Variants in RPTOR observed in about 807,000 individuals in gnomAD.
The protein encoded by RPTOR is regulatory-associated protein of mTOR.
A neutral mutation model predicts 169.9 loss-of-function variants in RPTOR; 21 were observed. The observed-to-expected ratio is 0.12, with a 90% CI of 0.09 to 0.18. The LOEUF (loss-of-function observed/expected upper bound fraction) is 0.18, where lower values mean the gene tolerates loss of function less well. Among genes scored for constraint, RPTOR ranks in the 10% least tolerant of loss-of-function variants. The pLI, the probability that RPTOR is intolerant of heterozygous loss-of-function variation, is 1.00. For missense variants in RPTOR, 1,133 were observed against 1,855.9 expected, an observed-to-expected ratio of 0.61 and a Z score of 7.16; for synonymous variants, 732 against 753.2, an observed-to-expected ratio of 0.97 and a Z score of 0.46.
chr17:80,787,862 T>C (rs1415381178), intron 6 of RPTOR, among the ~76,000 whole-genome samples: 1 of 152,250 alleles, frequency 6.6e-6, no homozygotes, highest in Non-Finnish European at 1.5e-5. Flanking sequence ...AATGCTCTTG[T>C]GGATTTATAT....
chr17:80,595,302 G>T (rs141356410), intron 1 of RPTOR, among the ~76,000 whole-genome samples: 11 of 152,254 alleles, frequency 7.2e-5, no homozygotes, highest in African/African-American at 2.4e-4. Flanking sequence ...TAAACATCTA[G>T]TTCTATTAGA....
At chr17:80,835,845 A>G (rs1256267331) in intron 9 of RPTOR, among the ~76,000 whole-genome samples, 1 of 152,188 alleles carries the variant, frequency 6.6e-6, no homozygotes. Context: ...GAGAAGAGAT[A>G]CTCAACCTGT....
intron 1 of RPTOR, among the ~76,000 whole-genome samples, chr17:80,618,075 G>T (rs1046681465): frequency 5.3e-5 from 8 of 151,814 alleles, no homozygotes; most frequent in African/African-American, 1.9e-4. Flanking sequence ...CCGCCTCCCG[G>T]GTTCAAGCAG....
chr17:80,693,649 T>C (rs1028222274), intron 3 of RPTOR, among the ~76,000 whole-genome samples: 1 of 152,178 alleles, frequency 6.6e-6, no homozygotes, highest in African/African-American at 2.4e-5. Context: ...GTGTACGCAA[T>C]TTCCTACTCT....
intron 11 of RPTOR, among the ~76,000 whole-genome samples, chr17:80,854,521 C>T (rs182407907): frequency 5.9e-5 from 9 of 152,308 alleles, no homozygotes; most frequent in African/African-American, 9.6e-5. Context: ...TTTTAATACT[C>T]ACATTTATCT....
At chr17:80,641,647 T>C (rs751451589) in intron 2 of RPTOR, among the ~76,000 whole-genome samples, 29 of 152,204 alleles carry the variant, frequency 1.9e-4, no homozygotes, top group Non-Finnish European at 4.3e-4. Context: ...TGTACTGTAG[T>C]CTGTGAAGTG....
chr17:80,903,504 T>C (rs1181791645), intron 20 of RPTOR, among the ~76,000 whole-genome samples: 5 of 152,226 alleles, frequency 3.3e-5, no homozygotes, highest in Non-Finnish European at 5.9e-5. Flanking sequence ...TGCGGCATCA[T>C]TGGTGTTCAC....
intron 14 of RPTOR, among the ~76,000 whole-genome samples, chr17:80,882,156 GAAAGCCGGGCTA>G (rs2068192665): frequency 1.3e-5 from 2 of 152,206 alleles, no homozygotes. Flanking sequence ...GAGAAGATAT[GAAAGCCGGGCTA>G]AGAGCCGGGC....
intron 1 of RPTOR, among the ~76,000 whole-genome samples, chr17:80,599,033 C>T (rs886799019): frequency 2.0e-5 from 3 of 152,104 alleles, no homozygotes; most frequent in Non-Finnish European, 2.9e-5. Flanking sequence ...CCCAGCCCCC[C>T]GGGAAGCTGG....
At chr17:80,722,176 G>T (rs2066292185) in intron 4 of RPTOR, among the ~76,000 whole-genome samples, 1 of 150,876 alleles carries the variant, frequency 6.6e-6, no homozygotes, top group Admixed American at 6.6e-5. Flanking sequence ...ATGTTGCAAA[G>T]TGCCGTCATC....
chr17:80,595,477 A>T (rs2065138197), intron 1 of RPTOR, among the ~76,000 whole-genome samples: 1 of 152,068 alleles, frequency 6.6e-6, no homozygotes, highest in African/African-American at 2.4e-5. Flanking sequence ...CCCCCCTTAG[A>T]TGGGGTCTCG....
intron 11 of RPTOR, among the ~76,000 whole-genome samples, chr17:80,848,068 T>G (rs1449984094): frequency 2.0e-5 from 3 of 151,854 alleles, no homozygotes; most frequent in Non-Finnish European, 4.4e-5. Context: ...GAAAGAGGAG[T>G]TGGGAGAAGG....
intron 10 of RPTOR, 122 bp downstream of exon 10, chr17:80,838,119 C>A (rs967686205): frequency 9.2e-5 from 67 of 728,180 alleles, no homozygotes; most frequent in Non-Finnish European, 1.3e-4. Flanking sequence ...ATTTTGTTCA[C>A]CTGCCTGGAA....
intron 5 of RPTOR, among the ~76,000 whole-genome samples, chr17:80,743,917 T>C (rs376630779): frequency 0.028 from 538 of 19,138 alleles, 89 homozygotes; most frequent in African/African-American, 0.039. Flanking sequence ...ACAGCCCTGG[T>C]TACTAGCAGA....
rs1312869264 is a variant in RPTOR at position 80,695,313 on chromosome 17, G to A, written c.349-12528G>A. Among the ~76,000 whole-genome samples, 1 of 152,248 alleles carries A rather than the reference G, an allele frequency of 6.6e-6. No individual in the cohort carries two copies. The highest frequency in any genetic ancestry group is 2.4e-5 in the African/African-American group (1 of 41,472). ...AGCCACCCGGGCAGGGCCCGCGTTA[G>A]TTTAGTTGTTTGTGGAGGAGAAAAT... On this transcript the variant is annotated intron_variant, in intron 3 of 33. Coordinates refer to ENST00000306801, the MANE Select transcript of RPTOR (RefSeq NM_020761.3). The surrounding 1 kb of genome is among the most constrained non-coding windows in gnomAD (Gnocchi z 4.9).
At chr17:80,582,120 T>G (rs2065019873) in intron 1 of RPTOR, among the ~76,000 whole-genome samples, 1 of 152,172 alleles carries the variant, frequency 6.6e-6, no homozygotes, top group South Asian at 2.1e-4. Context: ...TCATTGAACA[T>G]TCCAGGAGGA....
At chr17:80,614,805 G>T (rs377221002) in intron 1 of RPTOR, among the ~76,000 whole-genome samples, 2 of 152,194 alleles carry the variant, frequency 1.3e-5, no homozygotes, top group Non-Finnish European at 1.5e-5. Flanking sequence ...GGACTTTATT[G>T]TAGTGCTCGC....
At chr17:80,767,016 A>G (rs1263811071) in intron 6 of RPTOR, among the ~76,000 whole-genome samples, 1 of 152,216 alleles carries the variant, frequency 6.6e-6, no homozygotes, top group African/African-American at 2.4e-5. Flanking sequence ...AAATAGAAGG[A>G]AGATACAAAT....
At chr17:80,907,423 C>T (rs960436447) in intron 20 of RPTOR, among the ~76,000 whole-genome samples, 4 of 152,270 alleles carry the variant, frequency 2.6e-5, no homozygotes, top group Non-Finnish European at 4.4e-5. Context: ...GGGGAGGCAG[C>T]GCCTGGCCCC....
Sources: allele counts gnomAD v4.1 joint callset (sites outside exome capture counted in the v4.1 genomes callset), GRCh38; gene constraint gnomAD v4.1.1; non-coding constraint Gnocchi (gnomAD v3.1); transcripts MANE v1.5; gene names NCBI Gene and HGNC (gene_info 2026-07-23, HGNC 2026-07-21).